TEC: variants seen among roughly 807,000 people sequenced by gnomAD.
TEC encodes tyrosine-protein kinase Tec.
In TEC, 72 loss-of-function variants were observed where a neutral mutation model predicts 93.0. The observed-to-expected ratio is 0.77, with a 90% confidence interval of 0.64 to 0.94. TEC has a LOEUF of 0.94. TEC is among the 40% of genes least tolerant of loss of function. TEC has a pLI of 0.00. For synonymous variants in TEC, 249 were observed against 247.7 expected (o/e 1.01, Z -0.05); for missense variants, 630 against 757.9 (o/e 0.83, Z 1.98).
chr4:48,192,798 A>G (rs1185987076), intron 2 of TEC, among the ~76,000 whole-genome samples: 1 of 152,200 alleles, frequency 6.6e-6, no homozygotes, highest in East Asian at 1.9e-4. Context: ...CATTTGATTC[A>G]CTCAGTCTTA....
intron 2 of TEC, among the ~76,000 whole-genome samples, chr4:48,193,968 G>C (rs1299872398): frequency 6.6e-6 from 1 of 152,180 alleles, no homozygotes; most frequent in African/African-American, 2.4e-5. Flanking sequence ...GGCAGGGGCA[G>C]CAAGTAATCC....
intron 2 of TEC, among the ~76,000 whole-genome samples, chr4:48,185,275 CTT>C (rs1721771144): frequency 6.6e-6 from 1 of 152,216 alleles, no homozygotes; most frequent in African/African-American, 2.4e-5. Context: ...TACATGTAGT[CTT>C]TTCCCTTTCC....
chr4:48,240,060 A>G (rs1236040947), intron 1 of TEC, among the ~76,000 whole-genome samples: 1 of 152,064 alleles, frequency 6.6e-6, no homozygotes, highest in African/African-American at 2.4e-5. Context: ...ATATATACTG[A>G]AAAATTCACA....
At chr4:48,175,560 C>G (rs1487861087) in intron 3 of TEC, among the ~76,000 whole-genome samples, 1 of 152,108 alleles carries the variant, frequency 6.6e-6, no homozygotes, top group Non-Finnish European at 1.5e-5. Context: ...CTCAGGACGC[C>G]GGACCCTCCT....
intron 1 of TEC, among the ~76,000 whole-genome samples, chr4:48,252,196 G>T (rs1724222133): frequency 6.6e-6 from 1 of 152,168 alleles, no homozygotes; most frequent in Non-Finnish European, 1.5e-5. Context: ...ACTTCACAGA[G>T]TTGTAAGAAT....
At chr4:48,199,234 A>G (rs940015987) in intron 2 of TEC, among the ~76,000 whole-genome samples, 4 of 152,160 alleles carry the variant, frequency 2.6e-5, no homozygotes, top group Non-Finnish European at 5.9e-5. Context: ...AATGAACCAG[A>G]TCCAATGATT....
rs544664322 is a variant in TEC, at chr4:48,231,895, A to G, written c.-45-3236T>C. On this transcript the variant is annotated intron_variant, in intron 1 of 17. Transcript: ENST00000381501. Reference sequence around the variant, plus strand: ...GGAAGGCAGACTTTTGGAAGGCCCAAAGGATAAATGGGGCAGGACTTATAT... The same window carrying G: ...GGAAGGCAGACTTTTGGAAGGCCCAGAGGATAAATGGGGCAGGACTTATAT... Among the ~76,000 whole-genome samples the G allele has an allele frequency of 2.0e-5, 3 of 152,360 alleles. No homozygotes were observed. The East Asian group carries it at 5.8e-4, about 29-fold the overall frequency.
chr4:48,262,619 A>C (rs1345262709), intron 1 of TEC, among the ~76,000 whole-genome samples: 1 of 152,212 alleles, frequency 6.6e-6, no homozygotes, highest in Non-Finnish European at 1.5e-5. Context: ...GACCCAGTAC[A>C]TTACAGAAAA....
At chr4:48,256,791 C>A (rs1392684963) in intron 1 of TEC, among the ~76,000 whole-genome samples, 1 of 151,982 alleles carries the variant, frequency 6.6e-6, no homozygotes, top group Non-Finnish European at 1.5e-5. Context: ...TGGGCATAGG[C>A]AGGGAAAATA....
chr4:48,201,413 G>A (rs147967574), intron 2 of TEC, among the ~76,000 whole-genome samples: 2 of 152,304 alleles, frequency 1.3e-5, no homozygotes, highest in Non-Finnish European at 2.9e-5. Context: ...AACGGATGAT[G>A]TCTTCTAAGG....
At chr4:48,156,638 T>C (rs1720414489) in intron 9 of TEC, 42 bp downstream of exon 9, 1 of 1,574,990 alleles carries the variant, frequency 6.3e-7, no homozygotes, top group East Asian at 2.3e-5. Context: ...CTCATTAAAA[T>C]TAATTTGCCC....
intron 2 of TEC, among the ~76,000 whole-genome samples, chr4:48,217,467 C>T (rs543417453): frequency 1.3e-5 from 2 of 152,266 alleles, no homozygotes; most frequent in African/African-American, 4.8e-5. Flanking sequence ...TGGGGAGGGA[C>T]ACCTTCAGCT....
At chr4:48,264,836 A>G (rs536387492) in intron 1 of TEC, among the ~76,000 whole-genome samples, 1 of 151,938 alleles carries the variant, frequency 6.6e-6, no homozygotes, top group African/African-American at 2.4e-5. Flanking sequence ...CGAGGGTTTC[A>G]CCATGTTGGC....
At chr4:48,267,547 C>CT (rs959021385) in intron 1 of TEC, among the ~76,000 whole-genome samples, 4 of 152,216 alleles carry the variant, frequency 2.6e-5, no homozygotes, top group Non-Finnish European at 4.4e-5. Flanking sequence ...GCCAATTTCA[C>CT]TTTTTTCCAA....
intron 8 of TEC, among the ~76,000 whole-genome samples, chr4:48,160,778 GAAAGA>G (rs1312605034): frequency 7.1e-6 from 1 of 140,114 alleles, no homozygotes; most frequent in Non-Finnish European, 1.6e-5. Flanking sequence ...AAAAAAGAAA[GAAAGA>G]AAAGAAAAGA....
At chr4:48,149,135 C>T (rs543465218) in intron 11 of TEC, among the ~76,000 whole-genome samples, 14 of 152,106 alleles carry the variant, frequency 9.2e-5, no homozygotes, top group African/African-American at 3.1e-4. Context: ...CAATGAACAC[C>T]CACATGCACG....
intron 2 of TEC, among the ~76,000 whole-genome samples, chr4:48,224,722 G>A (rs189086816): frequency 6.6e-6 from 1 of 152,308 alleles, no homozygotes; most frequent in African/African-American, 2.4e-5. Flanking sequence ...ATTAGACTGA[G>A]GAAATGGTTT....
At chr4:48,181,725 A>G (rs1330139138) in intron 2 of TEC, among the ~76,000 whole-genome samples, 1 of 151,742 alleles carries the variant, frequency 6.6e-6, no homozygotes, top group Non-Finnish European at 1.5e-5. Flanking sequence ...GGGATAAAGG[A>G]TTCACCATAG....
At chr4:48,222,790 T>C (rs1186888309) in intron 2 of TEC, among the ~76,000 whole-genome samples, 1 of 152,128 alleles carries the variant, frequency 6.6e-6, no homozygotes, top group Non-Finnish European at 1.5e-5. Flanking sequence ...CTGAACTACA[T>C]CACCAGCTTT....
Sources: allele counts gnomAD v4.1 joint callset (sites outside exome capture counted in the v4.1 genomes callset), GRCh38; gene constraint gnomAD v4.1.1; transcripts MANE v1.5; gene names NCBI Gene and HGNC (gene_info 2026-07-23, HGNC 2026-07-21).